The following DPYSL3 variants were observed in gnomAD, a reference collection of about 807,000 sequenced individuals.
The protein encoded by DPYSL3 is dihydropyrimidinase-related protein 3.
A neutral mutation model predicts 66.1 loss-of-function variants in DPYSL3; 16 were observed. The observed-to-expected ratio is 0.24, with a 90% CI of 0.16 to 0.37. DPYSL3 has a LOEUF of 0.37. Ranked by LOEUF, DPYSL3 falls within the 10% of genes least tolerant of loss-of-function variation. DPYSL3 has a pLI of 1.00. For missense variants in DPYSL3, 738 were observed against 916.2 expected, an observed-to-expected ratio of 0.81 and a Z score of 2.51; for synonymous variants, 338 against 345.1, an observed-to-expected ratio of 0.98 and a Z score of 0.23.
intron 1 of DPYSL3, among the ~76,000 whole-genome samples, chr5:147,494,587 C>T (rs538345637): frequency 1.1e-4 from 16 of 151,404 alleles, no homozygotes; most frequent in East Asian, 9.7e-4. Flanking sequence ...TAAAGGAGGC[C>T]GGGCCCGGTG....
chr5:147,490,538 C>A (rs1753400034), intron 1 of DPYSL3, among the ~76,000 whole-genome samples: 1 of 152,142 alleles, frequency 6.6e-6, no homozygotes, highest in South Asian at 2.1e-4. Context: ...TCGAAATCTA[C>A]AAAATAGTTT....
chr5:147,420,300 T>A (rs1235668395), intron 2 of DPYSL3, among the ~76,000 whole-genome samples: 1 of 152,218 alleles, frequency 6.6e-6, no homozygotes, highest in Non-Finnish European at 1.5e-5. Context: ...GAATATATGT[T>A]AAGCCCATAA....
In DPYSL3 at chr5:147,393,294, A is replaced by T. The variant is rs1339089024; in HGVS notation, c.*741T>A. 2.6e-5 allele frequency: 4 copies of T among 152,250 alleles called. No homozygotes were observed. The highest frequency in any genetic ancestry group is 5.9e-5 in the Non-Finnish European group (4 of 68,084). The allele number at this position is 152,250 out of a possible 1,614,324, so 9.4% of individuals were successfully genotyped here. On this transcript the variant is annotated 3_prime_UTR_variant, in exon 14 of 14. Coordinates refer to ENST00000343218, the MANE Select transcript of DPYSL3 (RefSeq NM_001197294.2). ...CCCTGCCTGGCCTTCCCAACCCAGG[A>T]AAGAGAAGGATTTGAAAGCAACACT...
At position 147,405,734 on chromosome 5, in the gene DPYSL3, C is replaced by T; in HGVS notation, c.1033-4G>A. 6.2e-7 allele frequency: 1 copy of T among 1,606,466 alleles called. No homozygotes were observed. ...GGAACACAGCCTCAGCTTCCAGCTG[C>T]AAGAAAAAGTCTCCAGGAGTCAATA... On this transcript the variant is annotated splice_polypyrimidine_tract_variant and splice_region_variant and intron_variant, in intron 7 of 13. Coordinates refer to ENST00000343218, the MANE Select transcript of DPYSL3 (RefSeq NM_001197294.2).
chr5:147,484,288 T>C (rs1476477188), intron 1 of DPYSL3, among the ~76,000 whole-genome samples: 1 of 152,214 alleles, frequency 6.6e-6, no homozygotes, highest in African/African-American at 2.4e-5. Context: ...GCTGAGGGCT[T>C]TTCCCCTTCA....
intron 1 of DPYSL3, among the ~76,000 whole-genome samples, chr5:147,459,696 T>C (rs1752903896): frequency 6.6e-6 from 1 of 152,188 alleles, no homozygotes; most frequent in African/African-American, 2.4e-5. Flanking sequence ...CAATCCTACG[T>C]CTCTCTAGAC....
chr5:147,424,773 T>G, intron 2 of DPYSL3, 102 bp downstream of exon 2: 1 of 894,950 alleles, frequency 1.1e-6, no homozygotes, highest in East Asian at 2.6e-5. Context: ...GTTGATTAAA[T>G]TAAGATTTTT....
rs1753545481 is a variant in DPYSL3 at position 147,497,908 on chromosome 5, C to CTCTCTCTT, written c.381+11562_381+11569dup. On this transcript the variant is annotated intron_variant, in intron 1 of 13. Coordinates refer to ENST00000343218, the MANE Select transcript of DPYSL3 (RefSeq NM_001197294.2). ...ATCCTTCCTTCCCTTCTCTCTCTCT[C>CTCTCTCTT]TCTCTCTTTCTCTCTCTCTCTCTTT... 2.0e-5 allele frequency among the ~76,000 whole-genome samples: 3 copies of CTCTCTCTT among 151,788 alleles called. No individual in the cohort carries two copies. The South Asian group carries it at 6.3e-4, about 32-fold the overall frequency.
chr5:147,507,518 G>A (rs1225120787), intron 1 of DPYSL3, among the ~76,000 whole-genome samples: 2 of 152,148 alleles, frequency 1.3e-5, no homozygotes, highest in African/African-American at 2.4e-5. Flanking sequence ...CACCTCCAAT[G>A]TGCCAAGCAT....
chr5:147,413,770 T>A lies in DPYSL3; in HGVS notation c.821-113A>T, dbSNP rs578096465. 1.2e-5 allele frequency: 10 copies of A among 821,482 alleles called. No homozygotes were observed. The East Asian group carries it at 2.6e-4, about 22-fold the overall frequency. The allele number at this position is 821,482 out of a possible 1,614,324, so 50.9% of individuals were successfully genotyped here. On this transcript the variant is annotated intron_variant, in intron 4 of 13. Transcript: ENST00000343218. ...TAGCACCCAGCTGCATTACCCGGGC[T>A]CCTGTCCAACATAAAGCAGATATTT...
chr5:147,418,756 G>A, intron 2 of DPYSL3, 125 bp from the exon 3 acceptor site: 3 of 807,330 alleles, frequency 3.7e-6, no homozygotes, highest in Non-Finnish European at 3.7e-6. Flanking sequence ...ATTAAACTTT[G>A]CAAGTGACTC....
intron 1 of DPYSL3, among the ~76,000 whole-genome samples, chr5:147,428,243 C>A (rs2126338684): frequency 6.6e-6 from 1 of 152,284 alleles, no homozygotes; most frequent in Non-Finnish European, 1.5e-5. Context: ...AGAGTTTTCT[C>A]CATGGGCTAC....
intron 7 of DPYSL3, among the ~76,000 whole-genome samples, chr5:147,407,979 A>C (rs189576586): frequency 7.9e-5 from 12 of 152,228 alleles, no homozygotes; most frequent in Middle Eastern, 3.4e-3. Flanking sequence ...TTTAAATAAG[A>C]CTCTAAAAGA....
chr5:147,472,248 A>T (rs965145069), intron 1 of DPYSL3, among the ~76,000 whole-genome samples: 1 of 152,244 alleles, frequency 6.6e-6, no homozygotes, highest in East Asian at 1.9e-4. Flanking sequence ...TGCTATGCTC[A>T]GTCTCAAATG....
intron 1 of DPYSL3, chr5:147,453,506 G>A (rs1050426593): frequency 1.3e-5 from 20 of 1,515,450 alleles, no homozygotes; most frequent in Non-Finnish European, 1.8e-5. Context: ...GCAGCGGACA[G>A]GGAGCGAGCG....
chr5:147,471,385 T>G (rs1281611799), intron 1 of DPYSL3, among the ~76,000 whole-genome samples: 1 of 152,230 alleles, frequency 6.6e-6, no homozygotes, highest in Non-Finnish European at 1.5e-5. Context: ...TTTGACCCTC[T>G]GAGGCTATAT....
chr5:147,470,052 C>T (rs1753062908), intron 1 of DPYSL3, among the ~76,000 whole-genome samples: 1 of 152,190 alleles, frequency 6.6e-6, no homozygotes, highest in Non-Finnish European at 1.5e-5. Context: ...GACCCACATG[C>T]AATGATACTG....
intron 1 of DPYSL3, among the ~76,000 whole-genome samples, chr5:147,490,938 T>C (rs2126446952): frequency 6.6e-6 from 1 of 152,306 alleles, no homozygotes; most frequent in East Asian, 1.9e-4. Context: ...GACCTCATAG[T>C]CAATACTGGA....
At chr5:147,402,449 G>A (rs1425388239) in intron 8 of DPYSL3, among the ~76,000 whole-genome samples, 1 of 136,960 alleles carries the variant, frequency 7.3e-6, no homozygotes, top group Non-Finnish European at 1.5e-5. Context: ...CCGGGTTCAC[G>A]CCATTCTCCT....
Sources: allele counts gnomAD v4.1 joint callset (sites outside exome capture counted in the v4.1 genomes callset), GRCh38; gene constraint gnomAD v4.1.1; transcripts MANE v1.5; gene names NCBI Gene and HGNC (gene_info 2026-07-23, HGNC 2026-07-21).